RGS6: variants seen among roughly 807,000 people sequenced by gnomAD.
RGS6 encodes the protein regulator of G protein signaling 6.
A neutral mutation model predicts 78.5 loss-of-function variants in RGS6; 30 were observed. That is an observed-to-expected ratio of 0.38 (90% CI 0.29 to 0.52). RGS6 has a LOEUF of 0.52. RGS6 is among the 20% of genes least tolerant of loss of function. The pLI is 0.85. For synonymous variants in RGS6, 206 were observed against 206.0 expected (o/e 1.00, Z 0.00); for missense variants, 495 against 609.7 (o/e 0.81, Z 1.98).
At chr14:72,611,546 C>A in the RGS6 span, among the ~76,000 whole-genome samples, 1 of 152,130 alleles carries the variant, frequency 6.6e-6, no homozygotes, top group African/African-American at 2.4e-5. Context: ...CTTTCTCTAG[C>A]AGGGAAAAGA....
intron 12 of RGS6, among the ~76,000 whole-genome samples, chr14:72,494,207 G>A (rs72726160): frequency 0.11 from 17,207 of 152,188 alleles, 1,001 homozygotes; most frequent in Middle Eastern, 0.18. Flanking sequence ...CTTGGAAAAA[G>A]TAGTATGATA....
chr14:72,149,008 C>G (rs1027091091), intron 2 of RGS6, among the ~76,000 whole-genome samples: 3 of 152,194 alleles, frequency 2.0e-5, no homozygotes, highest in African/African-American at 7.2e-5. Context: ...TAGCTTATCT[C>G]CGCACCACTT....
At chr14:72,201,402 C>T (rs1425615841) in intron 2 of RGS6, among the ~76,000 whole-genome samples, 1 of 152,108 alleles carries the variant, frequency 6.6e-6, no homozygotes, top group Non-Finnish European at 1.5e-5. Context: ...AATGACAACT[C>T]ATGAATAATT....
chr14:71,990,544 A>G (rs1372527107), intron 2 of RGS6: 2 of 452,434 alleles, frequency 4.4e-6, no homozygotes, highest in African/African-American at 4.0e-5. Context: ...AGCAAATTTT[A>G]AGTAGTGGAG....
chr14:72,374,547 G>T (rs1019825526), intron 3 of RGS6, among the ~76,000 whole-genome samples: 11 of 152,130 alleles, frequency 7.2e-5, no homozygotes, highest in Admixed American at 4.6e-4. Flanking sequence ...CTCTATTTCA[G>T]TACTGCCCCC....
At chr14:72,498,713 G>A (rs1175037861) in intron 13 of RGS6, among the ~76,000 whole-genome samples, 1 of 152,124 alleles carries the variant, frequency 6.6e-6, no homozygotes, top group African/African-American at 2.4e-5. Context: ...AATCACCTGG[G>A]CTCCTCTTTA....
intron 13 of RGS6, among the ~76,000 whole-genome samples, chr14:72,508,982 C>T (rs1201492662): frequency 6.6e-6 from 1 of 152,138 alleles, no homozygotes; most frequent in Non-Finnish European, 1.5e-5. Flanking sequence ...ATACTCTTAT[C>T]GCCCAACACC....
chr14:72,284,264 A>G (rs2062088647), intron 2 of RGS6, among the ~76,000 whole-genome samples: 1 of 152,224 alleles, frequency 6.6e-6, no homozygotes, highest in East Asian at 1.9e-4. Flanking sequence ...CAAGGAACCA[A>G]ATGTTAATCA....
the RGS6 span, among the ~76,000 whole-genome samples, chr14:72,595,489 G>A: frequency 4.5e-5 from 5 of 111,928 alleles, no homozygotes; most frequent in African/African-American, 1.7e-4. Flanking sequence ...CAAACAAAAA[G>A]CTTAGCCCCA....
intron 2 of RGS6, among the ~76,000 whole-genome samples, chr14:72,178,324 C>G (rs1023053543): frequency 1.3e-5 from 2 of 152,348 alleles, no homozygotes; most frequent in Non-Finnish European, 2.9e-5. Flanking sequence ...TTCCTCCAAC[C>G]AAAGAACCCA....
chr14:72,222,806 T>C (rs191196416), intron 2 of RGS6, among the ~76,000 whole-genome samples: 5 of 152,330 alleles, frequency 3.3e-5, no homozygotes, highest in African/African-American at 1.2e-4. Flanking sequence ...CACTGCTAAG[T>C]GCTAATTTTC....
At chr14:72,131,318 G>T (rs563958543) in intron 2 of RGS6, among the ~76,000 whole-genome samples, 1 of 152,208 alleles carries the variant, frequency 6.6e-6, no homozygotes, top group African/African-American at 2.4e-5. Flanking sequence ...TTCTTTTTAG[G>T]ATTTCCCAGT....
At chr14:72,107,535 G>T (rs2095658871) in intron 2 of RGS6, among the ~76,000 whole-genome samples, 1 of 152,116 alleles carries the variant, frequency 6.6e-6, no homozygotes, top group Non-Finnish European at 1.5e-5. Context: ...CCACAAACCA[G>T]ATTCTCATAA....
In RGS6 at chr14:72,293,749, A is replaced by T. The variant is rs1007227641; in HGVS notation, c.85-58346A>T. Reference sequence around the variant, plus strand: ...TGGAGTATGGACCTGAAGAAAATGAATATCAGACATGGGCTAAGCCAAGGC... The same window carrying T: ...TGGAGTATGGACCTGAAGAAAATGATTATCAGACATGGGCTAAGCCAAGGC... On this transcript the variant is annotated intron_variant, in intron 2 of 17. Transcript: ENST00000553525. Among the ~76,000 whole-genome samples, 3 of 152,206 alleles carry T rather than the reference A, an allele frequency of 2.0e-5. No individual in the cohort carries two copies. In the South Asian group the frequency reaches 6.2e-4, roughly 31 times the overall value.
At chr14:72,408,230 T>G (rs1044802955) in intron 3 of RGS6, among the ~76,000 whole-genome samples, 3 of 152,230 alleles carry the variant, frequency 2.0e-5, no homozygotes, top group Non-Finnish European at 4.4e-5. Flanking sequence ...AACTCGAGTC[T>G]GTTTATACTA....
chr14:71,910,275 T>C, the RGS6 span, among the ~76,000 whole-genome samples: 1 of 152,258 alleles, frequency 6.6e-6, no homozygotes, highest in South Asian at 2.1e-4. Context: ...CCCCTTTGCT[T>C]CCCAAAGACA....
At chr14:72,590,798 G>A in the RGS6 span, among the ~76,000 whole-genome samples, 70 of 152,292 alleles carry the variant, frequency 4.6e-4, no homozygotes, top group Non-Finnish European at 7.2e-4. Flanking sequence ...GTAAACCCAC[G>A]TCAGGTGGAA....
chr14:72,053,218 C>T (rs1260629908), intron 2 of RGS6, among the ~76,000 whole-genome samples: 2 of 149,452 alleles, frequency 1.3e-5, no homozygotes, highest in Admixed American at 6.7e-5. Context: ...CTCCCAGGTT[C>T]GAGCGATTCT....
At chr14:72,355,663 A>G (rs774047691) in intron 3 of RGS6, among the ~76,000 whole-genome samples, 3 of 152,182 alleles carry the variant, frequency 2.0e-5, no homozygotes, top group Non-Finnish European at 2.9e-5. Context: ...AGAATTTTAG[A>G]TTGTGATAAA....
Sources: allele counts gnomAD v4.1 joint callset (sites outside exome capture counted in the v4.1 genomes callset), GRCh38; gene constraint gnomAD v4.1.1; transcripts MANE v1.5; gene names NCBI Gene and HGNC (gene_info 2026-07-23, HGNC 2026-07-21).